DPYSL5: variants seen among roughly 807,000 people sequenced by gnomAD.
DPYSL5 encodes dihydropyrimidinase like 5, also known as dihydropyrimidinase-related protein 5.
A neutral mutation model predicts 58.4 loss-of-function variants in DPYSL5; 9 were observed. That is an observed-to-expected ratio of 0.15 (90% CI 0.09 to 0.27). The LOEUF (loss-of-function observed/expected upper bound fraction) is 0.27. Among genes scored for constraint, DPYSL5 ranks in the 10% least tolerant of loss-of-function variants. DPYSL5 has a pLI of 1.00. For missense variants in DPYSL5, 499 were observed against 770.6 expected (o/e 0.65, Z 4.17); for synonymous variants, 293 against 301.9 (o/e 0.97, Z 0.31).
At chr2:26,853,621 C>A (rs373253727) in intron 1 of DPYSL5, among the ~76,000 whole-genome samples, 2 of 152,122 alleles carry the variant, frequency 1.3e-5, no homozygotes, top group Admixed American at 6.5e-5. Flanking sequence ...AAAAACAAAA[C>A]CAATAGGATT....
chr2:26,932,177 A>AAGAAAGAAAGAAAGAAAGAAAGAC (rs1665034704), intron 6 of DPYSL5, among the ~76,000 whole-genome samples: 9 of 78,524 alleles, frequency 1.1e-4, no homozygotes, highest in Admixed American at 4.9e-4. Context: ...GAAAGAAAGA[A>AAGAAAGAAAGAAAGAAAGAAAGAC]AGAAAGAAAG....
rs745568928 is a variant in DPYSL5, at chr2:26,933,234, C to G, written c.715-24C>G. On this transcript the variant is annotated intron_variant, in intron 6 of 12. Transcript: ENST00000288699. This position sits in a 1 kb window ranked among gnomAD's most constrained non-coding sequence, Gnocchi z 4.2. ...GAAGTTTATGGGTCAACCCTCCCTACTTCCCACTGTTTCTTGTGTTTAGAC... is the reference window on the plus strand; with the variant it reads ...GAAGTTTATGGGTCAACCCTCCCTAGTTCCCACTGTTTCTTGTGTTTAGAC... 4 of 1,611,496 alleles carry G rather than the reference C, an allele frequency of 2.5e-6. No homozygotes were observed. The highest frequency in any genetic ancestry group is 3.4e-6 in the Non-Finnish European group (4 of 1,177,678).
chr2:26,896,894 T>C (rs1558336346), intron 1 of DPYSL5, among the ~76,000 whole-genome samples: 1 of 152,238 alleles, frequency 6.6e-6, no homozygotes, highest in Non-Finnish European at 1.5e-5. Context: ...GCAATCCCAT[T>C]TGTCTATCTT....
intron 2 of DPYSL5, among the ~76,000 whole-genome samples, chr2:26,919,581 C>T (rs1336111904): frequency 6.6e-6 from 1 of 152,084 alleles, no homozygotes; most frequent in East Asian, 1.9e-4. Context: ...AACAAATTTC[C>T]ACCTATACAA....
At chr2:26,882,111 A>AAAAAAG (rs1308139468) in intron 1 of DPYSL5, among the ~76,000 whole-genome samples, 1 of 149,092 alleles carries the variant, frequency 6.7e-6, no homozygotes, top group African/African-American at 2.5e-5. Context: ...AAAAAAAAAA[A>AAAAAAG]AGAAAGAAAG....
chr2:26,866,846 C>T (rs904917521), intron 1 of DPYSL5, among the ~76,000 whole-genome samples: 6 of 151,754 alleles, frequency 4.0e-5, no homozygotes, highest in African/African-American at 1.5e-4. Flanking sequence ...ATTCTCCTGC[C>T]TCAGCCTCCT....
At chr2:26,920,830 T>C (rs1448745240) in intron 2 of DPYSL5, among the ~76,000 whole-genome samples, 4 of 152,182 alleles carry the variant, frequency 2.6e-5, no homozygotes, top group Non-Finnish European at 4.4e-5. Flanking sequence ...GTGTGGGGAG[T>C]ATGTGTGTTT....
In DPYSL5 at chr2:26,890,381, A is replaced by G. The variant is rs916085711; in HGVS notation, c.-4-8115A>G. Reference sequence around the variant, plus strand: ...TTAAGATTTTAAAAATTTAAAAAAGATATTCTCCAAAAGCACCCTGGGTAG... The same window carrying G: ...TTAAGATTTTAAAAATTTAAAAAAGGTATTCTCCAAAAGCACCCTGGGTAG... On this transcript the variant is annotated intron_variant, in intron 1 of 12. Transcript: ENST00000288699. Among the ~76,000 whole-genome samples the G allele has an allele frequency of 7.9e-5, 12 of 152,218 alleles. 1 individual carries two copies. Among genetic ancestry groups the G allele is most frequent in the African/African-American group, 2.4e-4 (10 of 41,450 alleles).
At chr2:26,930,438 G>T (rs1664940781) in intron 5 of DPYSL5, among the ~76,000 whole-genome samples, 1 of 152,202 alleles carries the variant, frequency 6.6e-6, no homozygotes, top group South Asian at 2.1e-4. Flanking sequence ...GTCCCAACCT[G>T]GGGGGCAGGG....
intron 8 of DPYSL5, among the ~76,000 whole-genome samples, chr2:26,936,251 C>A (rs1408629310): frequency 1.3e-5 from 2 of 152,204 alleles, no homozygotes; most frequent in African/African-American, 4.8e-5. Context: ...TTCGCCTCTT[C>A]TAAGATGGTG....
chr2:26,915,606 C>T (rs530057400), intron 2 of DPYSL5, among the ~76,000 whole-genome samples: 1 of 152,288 alleles, frequency 6.6e-6, no homozygotes, highest in African/African-American at 2.4e-5. Context: ...GGGCCCATTA[C>T]AACAGCATGG....
chr2:26,885,028 C>A (rs530106545), intron 1 of DPYSL5, among the ~76,000 whole-genome samples: 1 of 152,002 alleles, frequency 6.6e-6, no homozygotes, highest in Non-Finnish European at 1.5e-5. Context: ...GGTGAAACCC[C>A]ATCTCTATTA....
chr2:26,878,866 C>T (rs1157039995), intron 1 of DPYSL5, among the ~76,000 whole-genome samples: 1 of 152,206 alleles, frequency 6.6e-6, no homozygotes, highest in African/African-American at 2.4e-5. Context: ...TGACTTCTTC[C>T]TTGACCCCTG....
At chr2:26,943,207 G>A (rs570571831) in intron 11 of DPYSL5, among the ~76,000 whole-genome samples, 1 of 152,232 alleles carries the variant, frequency 6.6e-6, no homozygotes, top group African/African-American at 2.4e-5. Flanking sequence ...AACACGGGAG[G>A]CCCACACTGC....
In DPYSL5 at chr2:26,947,115, G is replaced by A. The variant is rs894304069; in HGVS notation, c.*120G>A. The A allele has an allele frequency of 8.1e-6, 6 of 745,268 alleles. No homozygotes were observed. The highest frequency in any genetic ancestry group is 2.5e-5 in the Admixed American group (1 of 40,714). The allele number at this position is 745,268 out of a possible 1,614,324, so 46.2% of individuals were successfully genotyped here. A position where few individuals can be genotyped will look rare whatever the true frequency, so the allele number is the denominator to read the frequency against. ...TGGCACACCACCCGAGGGGGGCCCC[G>A]GGACCCACGGAGCCCTCCCTATGTC... On this transcript the variant is annotated 3_prime_UTR_variant, in exon 13 of 13. Coordinates refer to ENST00000288699, the MANE Select transcript of DPYSL5 (RefSeq NM_020134.4). This position sits in a 1 kb window ranked among gnomAD's most constrained non-coding sequence, Gnocchi z 4.2.
chr2:26,891,339 A>G (rs1288743146), intron 1 of DPYSL5, among the ~76,000 whole-genome samples: 2 of 152,138 alleles, frequency 1.3e-5, no homozygotes, highest in East Asian at 1.9e-4. Flanking sequence ...GTCCTAGGAG[A>G]GCAGTCTATC....
chr2:26,902,055 G>A (rs2148139619), intron 2 of DPYSL5, among the ~76,000 whole-genome samples: 1 of 151,618 alleles, frequency 6.6e-6, no homozygotes, highest in East Asian at 1.9e-4. Flanking sequence ...CCCACCACCT[G>A]CAGGCCCCGC....
rs922043453 is a variant in DPYSL5, at chr2:26,848,163, C to T, written c.-96C>T. 6.6e-6 allele frequency: 1 copy of T among 151,432 alleles called. No homozygotes were observed. Among genetic ancestry groups the T allele is most frequent in the African/African-American group, 2.4e-5 (1 of 41,328 alleles). 9.4% of individuals were successfully genotyped at this position (151,432 alleles called of 1,614,324 possible). Reference sequence around the variant, plus strand: ...GCCCCCGAGCGAGCGCGCGTGCAGCCGCCGCCGCCCCGAGCACCCGCAGCT... The same window carrying T: ...GCCCCCGAGCGAGCGCGCGTGCAGCTGCCGCCGCCCCGAGCACCCGCAGCT... On this transcript the variant is annotated 5_prime_UTR_variant, in exon 1 of 13. Coordinates refer to ENST00000288699, the MANE Select transcript of DPYSL5 (RefSeq NM_020134.4).
At chr2:26,859,153 AT>A (rs1479492952) in intron 1 of DPYSL5, among the ~76,000 whole-genome samples, 3 of 152,134 alleles carry the variant, frequency 2.0e-5, no homozygotes, top group African/African-American at 7.2e-5. Flanking sequence ...ACTAGATTCC[AT>A]TTTTTTAATT....
Sources: allele counts gnomAD v4.1 joint callset (sites outside exome capture counted in the v4.1 genomes callset), GRCh38; gene constraint gnomAD v4.1.1; non-coding constraint Gnocchi (gnomAD v3.1); transcripts MANE v1.5; gene names NCBI Gene and HGNC (gene_info 2026-07-23, HGNC 2026-07-21).